The following SLC12A6 variants were observed in gnomAD, a reference collection of about 807,000 sequenced individuals.
The protein encoded by SLC12A6 is solute carrier family 12 member 6.
Under a neutral mutation model 135.3 loss-of-function variants are expected in SLC12A6, and 66 were observed. The ratio of observed to expected loss-of-function variants is 0.49; its 90% CI spans 0.40 to 0.60. The LOEUF (loss-of-function observed/expected upper bound fraction) is 0.60. Ranked by LOEUF, SLC12A6 falls within the 20% of genes least tolerant of loss-of-function variation. The probability of loss-of-function intolerance (pLI) is 0.00; values close to 1 mark genes in which losing one functional copy is unlikely to be tolerated. For missense variants in SLC12A6, 1,058 were observed against 1,452.3 expected, an observed-to-expected ratio of 0.73 and a Z score of 4.41; for synonymous variants, 513 against 508.8, an observed-to-expected ratio of 1.01 and a Z score of -0.11.
chr15:34,336,426 G>T lies in SLC12A6; in HGVS notation c.255C>A (p.Pro85=). Residue 85 remains proline, a synonymous_variant, in exon 2 of 26, where the codon CCC becomes CCA. Coordinates refer to ENST00000354181, the MANE Select transcript of SLC12A6 (RefSeq NM_001365088.1). ...TCTACTTACCCTCGATGACATCCTG[G>T]GGGTGAGAAGTCCGGTCACTGGGTG... ...LDPPSDRTSH[P]QDVIEDLSQN... 2 of 1,613,826 alleles carry T rather than the reference G, an allele frequency of 1.2e-6. No individual in the cohort carries two copies. The highest frequency in any genetic ancestry group is 8.5e-7 in the Non-Finnish European group (1 of 1,179,780).
At chr15:34,314,803 C>T (rs1359701582) in intron 2 of SLC12A6, 3 of 151,168 alleles carry the variant, frequency 2.0e-5, no homozygotes, top group African/African-American at 7.4e-5. Flanking sequence ...TCTCTCACTC[C>T]TACTCCTTCA....
At chr15:34,276,051 A>G (rs1268074752) in intron 2 of SLC12A6, among the ~76,000 whole-genome samples, 4 of 152,144 alleles carry the variant, frequency 2.6e-5, no homozygotes, top group Non-Finnish European at 4.4e-5. Flanking sequence ...GGTGTACAAC[A>G]CTGTAAATGT....
At chr15:34,298,279 A>G (rs551599919) in intron 2 of SLC12A6, among the ~76,000 whole-genome samples, 1 of 152,226 alleles carries the variant, frequency 6.6e-6, no homozygotes, top group East Asian at 1.9e-4. Context: ...GTTTGAGACC[A>G]GCCTGGCCAA....
chr15:34,281,803 A>G (rs944888255), intron 2 of SLC12A6, among the ~76,000 whole-genome samples: 2 of 152,160 alleles, frequency 1.3e-5, no homozygotes, highest in South Asian at 2.1e-4. Flanking sequence ...AAATAAATAA[A>G]TAAGTAAAAA....
Position 34,254,572 on chromosome 15 carries a change from T to C in SLC12A6, c.894A>G (p.Arg298=), listed in dbSNP as rs766505428. 6 of 1,608,694 alleles carry C rather than the reference T, an allele frequency of 3.7e-6. No individual in the cohort carries two copies. The highest frequency in any genetic ancestry group is 5.1e-6 in the Non-Finnish European group (6 of 1,175,114). ...CGTCATCACTGTGAAAGATGGCAGC[T>C]CGGGGGACGATATAGACCTGTTAGG... ...IEIFLVYIVP[R]AAIFHSDDAL... is the part of the protein sequence containing the mutation. Residue 298 remains arginine, a synonymous_variant, in exon 9 of 26, where the codon CGA becomes CGG. Transcript: ENST00000354181.
In SLC12A6 at chr15:34,303,197, A is replaced by T. The variant is rs75004397; in HGVS notation, c.272-27808T>A. 3.9e-4 allele frequency among the ~76,000 whole-genome samples: 59 copies of T among 152,296 alleles called. No individual in the cohort carries two copies. In the East Asian group the frequency reaches 0.011, roughly 27 times the overall value. ...TAGGGGGACTAAGAGACTACTGTGA[A>T]CATTTCCAATATTTTAAGAGCCTAT... is the stretch of plus-strand genomic sequence containing the variant. On this transcript the variant is annotated intron_variant, in intron 2 of 25. Transcript: ENST00000354181.
Position 34,236,856 on chromosome 15 carries a change from G to A in SLC12A6, c.2935-41C>T, listed in dbSNP as rs200479731. On this transcript the variant is annotated intron_variant, in intron 22 of 25. Transcript: ENST00000354181. ...CATAAAAGGGGCAAAAAGCACAAAG[G>A]AGAAAGAAGGATGAACCATACATTT... 222 of 1,078,302 alleles carry A rather than the reference G, an allele frequency of 2.1e-4. No homozygotes were observed. The Middle Eastern group carries it at 3.4e-3, about 16-fold the overall frequency. The allele number at this position is 1,078,302 out of a possible 1,614,324, so 66.8% of individuals were successfully genotyped here. A position where few individuals can be genotyped will look rare whatever the true frequency, so the allele number is the denominator to read the frequency against.
Position 34,250,335 on chromosome 15 carries a change from A to G in SLC12A6, c.1612T>C (p.Phe538Leu), listed in dbSNP as rs756811134. ...SFVYLSNVVL[F>L]GACIEGVVLR... Reference sequence around the variant, plus strand: ...ACAACCCCTTCAATACATGCACCAAAAAGGACAACATTGCTTAAATCTACC... The same window carrying G: ...ACAACCCCTTCAATACATGCACCAAGAAGGACAACATTGCTTAAATCTACC... Residue 538 changes from phenylalanine to leucine, a missense_variant, in exon 13 of 26, where the codon TTT becomes CTT. Coordinates refer to ENST00000354181, the MANE Select transcript of SLC12A6 (RefSeq NM_001365088.1). 1 of 1,594,046 alleles carries G rather than the reference A, an allele frequency of 6.3e-7. No homozygotes were observed. The highest frequency in any genetic ancestry group is 2.2e-5 in the East Asian group (1 of 44,798).
intron 2 of SLC12A6, among the ~76,000 whole-genome samples, chr15:34,287,342 T>C (rs944671815): frequency 1.3e-5 from 2 of 152,312 alleles, no homozygotes; most frequent in Admixed American, 1.3e-4. Context: ...TAGTATTCCA[T>C]GGTGTATATG....
At chr15:34,238,551 C>G (rs563652589) in intron 20 of SLC12A6, 150 bp from the exon 21 acceptor site, 9 of 694,400 alleles carry the variant, frequency 1.3e-5, no homozygotes, top group African/African-American at 3.5e-5. Flanking sequence ...GTATCAAAAA[C>G]CATTGTGAAA....
intron 7 of SLC12A6, 57 bp from the exon 8 acceptor site, chr15:34,255,449 A>G: frequency 7.6e-7 from 1 of 1,312,230 alleles, no homozygotes; most frequent in South Asian, 1.2e-5. Context: ...CAAGAGGAAT[A>G]TGAATAAAAC....
At chr15:34,295,005 C>A (rs182510453) in intron 2 of SLC12A6, among the ~76,000 whole-genome samples, 1 of 152,190 alleles carries the variant, frequency 6.6e-6, no homozygotes, top group African/African-American at 2.4e-5. Flanking sequence ...AATTTTGGGA[C>A]CAATAAAAGT....
chr15:34,311,390 G>C (rs948069400), intron 2 of SLC12A6, among the ~76,000 whole-genome samples: 1 of 152,136 alleles, frequency 6.6e-6, no homozygotes, highest in African/African-American at 2.4e-5. Flanking sequence ...ATAAATGAAT[G>C]AATGGAAATT....
chr15:34,300,387 G>C (rs1185508158), intron 2 of SLC12A6, among the ~76,000 whole-genome samples: 2 of 152,134 alleles, frequency 1.3e-5, no homozygotes, highest in African/African-American at 4.8e-5. Flanking sequence ...TGTCTAAATA[G>C]TGTCGACAGT....
intron 2 of SLC12A6, chr15:34,299,595 G>C (rs1283711955): frequency 6.6e-6 from 1 of 152,216 alleles, no homozygotes; most frequent in African/African-American, 2.4e-5. Context: ...TGATCACAGG[G>C]ACCATTAAGG....
At chr15:34,298,511 A>G (rs1417961904) in intron 2 of SLC12A6, among the ~76,000 whole-genome samples, 3 of 152,050 alleles carry the variant, frequency 2.0e-5, no homozygotes, top group Non-Finnish European at 4.4e-5. Flanking sequence ...AAATAAAAAT[A>G]AAGCAATGGT....
chr15:34,316,799 A>G (rs574658302), intron 2 of SLC12A6, among the ~76,000 whole-genome samples: 2 of 152,306 alleles, frequency 1.3e-5, no homozygotes, highest in South Asian at 4.1e-4. Context: ...ACATAATGGG[A>G]CTAGTAAAGA....
chr15:34,291,005 G>A (rs1038727132), intron 2 of SLC12A6, among the ~76,000 whole-genome samples: 3 of 152,158 alleles, frequency 2.0e-5, no homozygotes, highest in African/African-American at 7.2e-5. Context: ...ATTGTTATGT[G>A]TGAATTTGAT....
chr15:34,255,426 G>A, intron 7 of SLC12A6, 34 bp from the exon 8 acceptor site: 1 of 1,513,626 alleles, frequency 6.6e-7, no homozygotes, highest in Non-Finnish European at 9.2e-7. Flanking sequence ...ATAGAAGAAA[G>A]AGTGTGTATT....
Sources: allele counts gnomAD v4.1 joint callset (sites outside exome capture counted in the v4.1 genomes callset), GRCh38; gene constraint gnomAD v4.1.1; transcripts MANE v1.5; gene names NCBI Gene and HGNC (gene_info 2026-07-23, HGNC 2026-07-21).